Variants in NKAIN4 observed in about 807,000 individuals in gnomAD.
The protein encoded by NKAIN4 is sodium/potassium transporting ATPase interacting 4, also known as sodium/potassium-transporting ATPase subunit beta-1-interacting protein 4.
NKAIN4 carries 28 observed loss-of-function variants against 28.8 expected under a neutral mutation model. The ratio of observed to expected loss-of-function variants is 0.97; its 90% CI spans 0.72 to 1.33. NKAIN4 has a LOEUF of 1.33. Among genes scored for constraint, NKAIN4 ranks in the 40% most tolerant of loss-of-function variants. The pLI is 0.00. For missense variants in NKAIN4, 289 were observed against 277.2 expected (o/e 1.04, Z -0.30); for synonymous variants, 122 against 115.6 (o/e 1.06, Z -0.36).
rs547488148 is a variant in NKAIN4 at position 63,252,674 on chromosome 20, C to T, written c.54+1723G>A. Among the ~76,000 whole-genome samples, 4 of 152,284 alleles carry T rather than the reference C, an allele frequency of 2.6e-5. No individual in the cohort carries two copies. Among genetic ancestry groups the T allele is most frequent in the South Asian group, 2.1e-4 (1 of 4,828 alleles). On this transcript the variant is annotated intron_variant, in intron 1 of 6. Transcript: ENST00000370316. This position sits in a 1 kb window ranked among gnomAD's most constrained non-coding sequence, Gnocchi z 4.6. The stretch of plus-strand genomic sequence containing the variant: ...CCCAGAGGCTGGCCCTGAGAGGACA[C>T]GGCTCTGCCCAGTCCCTGGAGAGTC...
rs771932808 is a variant in NKAIN4 at position 63,254,255 on chromosome 20, C to CG, written c.54+141dup. ...GACGCCACCTTCGGCCGTAGCAGCC[C>CG]GGGGTCCGAGGCATCCCCCCTCGGA... On this transcript the variant is annotated intron_variant, in intron 1 of 6. Transcript: ENST00000370316. 1,113 of 635,338 alleles carry CG rather than the reference C, an allele frequency of 1.8e-3. 2 individuals carry two copies. Among genetic ancestry groups the CG allele is most frequent in the Middle Eastern group, 3.4e-3 (7 of 2,032 alleles). 39.4% of individuals were successfully genotyped at this position (635,338 alleles called of 1,614,324 possible).
intron 4 of NKAIN4, chr20:63,247,058 G>A (rs1442318543): frequency 1.5e-5 from 15 of 1,004,324 alleles, no homozygotes; most frequent in Middle Eastern, 4.9e-4. Context: ...ATCCCTGTCC[G>A]GTCAGACCTG....
At chr20:63,244,721 G>T (rs142172173) in intron 4 of NKAIN4, among the ~76,000 whole-genome samples, 2 of 152,320 alleles carry the variant, frequency 1.3e-5, no homozygotes, top group African/African-American at 4.8e-5. Context: ...CACACACCTC[G>T]CAGACACCTG....
In NKAIN4 at chr20:63,254,454, G is replaced by T; in HGVS notation, c.-4C>A. 1 of 1,375,338 alleles carries T rather than the reference G, an allele frequency of 7.3e-7. No individual in the cohort carries two copies. The highest frequency in any genetic ancestry group is 9.4e-7 in the Non-Finnish European group (1 of 1,064,624). The allele number at this position is 1,375,338 out of a possible 1,614,324, so 85.2% of individuals were successfully genotyped here. On this transcript the variant is annotated 5_prime_UTR_variant, in exon 1 of 7. Coordinates refer to ENST00000370316, the MANE Select transcript of NKAIN4 (RefSeq NM_152864.4). ...AGCGGCCGGAGCAGGAGCCCATGGT[G>T]CCCGCCTATACAGGAGGCCCCCGGG...
At chr20:63,243,169 G>C (rs545650561) in intron 5 of NKAIN4, among the ~76,000 whole-genome samples, 19 of 152,206 alleles carry the variant, frequency 1.2e-4, no homozygotes, top group Non-Finnish European at 1.6e-4. Flanking sequence ...AATGGAACCA[G>C]TCGTTTGCCT....
chr20:63,254,151 G>T, intron 1 of NKAIN4: 1 of 422,284 alleles, frequency 2.4e-6, no homozygotes, highest in South Asian at 3.5e-5. Flanking sequence ...TGTCCCCGCC[G>T]CTCCGGACCC....
At chr20:63,241,543 G>A (rs1478878585) in intron 6 of NKAIN4, 37 bp from the exon 7 acceptor site, 2 of 1,547,002 alleles carry the variant, frequency 1.3e-6, no homozygotes, top group East Asian at 2.5e-5. Context: ...TGGGGGAACA[G>A]GGCTGGGGCA....
At chr20:63,248,929 C>T (rs1191509594) in intron 2 of NKAIN4, 34 bp from the exon 3 acceptor site, 13 of 1,460,838 alleles carry the variant, frequency 8.9e-6, no homozygotes, top group African/African-American at 4.2e-5. Context: ...GGCAGCTGAA[C>T]ACAGCTCCCG....
At position 63,241,335 on chromosome 20, in the gene NKAIN4, C is replaced by A. The variant is rs549900694; in HGVS notation, c.*162G>T. The A allele has an allele frequency of 1.5e-6, 1 of 648,838 alleles. No homozygotes were observed. The highest frequency in any genetic ancestry group is 2.8e-5 in the East Asian group (1 of 35,380). 40.2% of individuals were successfully genotyped at this position (648,838 alleles called of 1,614,324 possible). A position where few individuals can be genotyped will look rare whatever the true frequency, so the allele number is the denominator to read the frequency against. On this transcript the variant is annotated 3_prime_UTR_variant, in exon 7 of 7. Coordinates refer to ENST00000370316, the MANE Select transcript of NKAIN4 (RefSeq NM_152864.4). ...GCAGCCAGCCGTGGCACTGCCCTGC[C>A]GCCCTGGCTGGTGTCCAGTACTTAG...
Position 63,252,155 on chromosome 20 carries a change from C to T in NKAIN4, c.55-2083G>A, listed in dbSNP as rs1009236891. On this transcript the variant is annotated intron_variant, in intron 1 of 6. Coordinates refer to ENST00000370316, the MANE Select transcript of NKAIN4 (RefSeq NM_152864.4). This position sits in a 1 kb window ranked among gnomAD's most constrained non-coding sequence, Gnocchi z 4.6. ...GGGGCTGGGGGCGTCTTTTTCATCT[C>T]GAAGCCAAGGCTCCCAGAGGCTCAG... 3.9e-5 allele frequency among the ~76,000 whole-genome samples: 6 copies of T among 152,274 alleles called. No homozygotes were observed. The highest frequency in any genetic ancestry group is 3.4e-3 in the Middle Eastern group (1 of 294).
Position 63,244,097 on chromosome 20 carries a change from A to C in NKAIN4, c.472-13T>G. Reference sequence around the variant, plus strand: ...CAAAGCCCAGAAGCTGAAAGACACCACAGGCAGGGGCGTGAGTGCGGCCAG... The same window carrying C: ...CAAAGCCCAGAAGCTGAAAGACACCCCAGGCAGGGGCGTGAGTGCGGCCAG... On this transcript the variant is annotated splice_polypyrimidine_tract_variant and intron_variant, in intron 4 of 6. Transcript: ENST00000370316. The C allele has an allele frequency of 1.2e-6, 2 of 1,612,214 alleles. No homozygotes were observed. Among genetic ancestry groups the C allele is most frequent in the Non-Finnish European group, 1.7e-6 (2 of 1,179,146 alleles).
rs372655588 is a variant in NKAIN4, at chr20:63,245,932, C to CT, written c.471+1645dup. Among the ~76,000 whole-genome samples, 22,399 of 142,936 alleles carry CT rather than the reference C, an allele frequency of 0.16. 2,246 individuals are homozygous for CT. Among genetic ancestry groups the CT allele is most frequent in the African/African-American group, 0.28 (10,706 of 38,366 alleles). The allele number at this position is 142,936 out of a possible 152,430, so 93.8% of individuals were successfully genotyped here. A position where few individuals can be genotyped will look rare whatever the true frequency, so the allele number is the denominator to read the frequency against. On this transcript the variant is annotated intron_variant, in intron 4 of 6. Transcript: ENST00000370316. The surrounding 1 kb of genome is among the most constrained non-coding windows in gnomAD (Gnocchi z 4.7). Reference sequence around the variant, plus strand: ...TCTTCATTCATTCCCCTCAAGCTTCCTTTTTTTTTTTTTGAGACAGAGTCT... The same window carrying CT: ...TCTTCATTCATTCCCCTCAAGCTTCCTTTTTTTTTTTTTTGAGACAGAGTCT...
intron 4 of NKAIN4, chr20:63,244,639 T>C (rs1389498654): frequency 9.2e-6 from 4 of 436,820 alleles, no homozygotes; most frequent in African/African-American, 8.0e-5. Context: ...CTGCTGCCTT[T>C]GGGGCAGGGG....
At chr20:63,253,790 C>T (rs1462804696) in intron 1 of NKAIN4, among the ~76,000 whole-genome samples, 1 of 152,186 alleles carries the variant, frequency 6.6e-6, no homozygotes, top group Non-Finnish European at 1.5e-5. Context: ...CGGGCATCGG[C>T]TCCAGCCCCT....
At chr20:63,253,574 C>T (rs1292622878) in intron 1 of NKAIN4, 4 of 937,144 alleles carry the variant, frequency 4.3e-6, no homozygotes, top group African/African-American at 3.6e-5. Context: ...ACGGGAGACC[C>T]AGGGCCAATT....
intron 1 of NKAIN4, chr20:63,253,535 A>T (rs746847006): frequency 4.3e-5 from 42 of 984,176 alleles, no homozygotes; most frequent in Non-Finnish European, 4.9e-5. Context: ...TGCGCTCCGC[A>T]GCCCACAAAG....
intron 1 of NKAIN4, among the ~76,000 whole-genome samples, chr20:63,251,345 G>A (rs1052495652): frequency 1.3e-5 from 2 of 152,156 alleles, no homozygotes; most frequent in East Asian, 1.9e-4. Context: ...TTAGGCCTCC[G>A]GATAACTGCG....
intron 5 of NKAIN4, among the ~76,000 whole-genome samples, chr20:63,242,950 G>A (rs2066787122): frequency 6.6e-6 from 1 of 151,684 alleles, no homozygotes; most frequent in Non-Finnish European, 1.5e-5. Context: ...GGCCTCGGGG[G>A]ACAGTGGGGT....
chr20:63,248,809 A>G lies in NKAIN4; in HGVS notation c.273+6T>C, dbSNP rs2066905393. 6.2e-7 allele frequency: 1 copy of G among 1,604,390 alleles called. No individual in the cohort carries two copies. The highest frequency in any genetic ancestry group is 8.5e-7 in the Non-Finnish European group (1 of 1,172,574). ...GACCTCGCGCTGCCTCCCAGTCTGC[A>G]CTCACCTTTAAGAGGCCACCGACTT... On this transcript the variant is annotated splice_donor_region_variant and intron_variant, in intron 3 of 6. Coordinates refer to ENST00000370316, the MANE Select transcript of NKAIN4 (RefSeq NM_152864.4).
Sources: allele counts gnomAD v4.1 joint callset (sites outside exome capture counted in the v4.1 genomes callset), GRCh38; gene constraint gnomAD v4.1.1; non-coding constraint Gnocchi (gnomAD v3.1); transcripts MANE v1.5; gene names NCBI Gene and HGNC (gene_info 2026-07-23, HGNC 2026-07-21).